RAD17: variants seen among roughly 807,000 people sequenced by gnomAD.
The protein encoded by RAD17 is RAD17 checkpoint clamp loader component.
RAD17 carries 31 observed loss-of-function variants against 81.5 expected under a neutral mutation model. The ratio of observed to expected loss-of-function variants is 0.38; its 90% CI spans 0.29 to 0.51. RAD17 has a LOEUF of 0.51. Ranked by LOEUF, RAD17 falls within the 20% of genes least tolerant of loss-of-function variation. The pLI, the probability that RAD17 is intolerant of heterozygous loss-of-function variation, is 0.88. For missense variants in RAD17, 681 were observed against 781.2 expected (o/e 0.87, Z 1.53); for synonymous variants, 261 against 266.2 (o/e 0.98, Z 0.19).
intron 17 of RAD17, among the ~76,000 whole-genome samples, chr5:69,407,632 G>A (rs1016219828): frequency 2.3e-5 from 3 of 132,370 alleles, no homozygotes; most frequent in South Asian, 2.4e-4. Flanking sequence ...GCTGGAGTGC[G>A]GTAGCACCAT....
In RAD17 at chr5:69,379,040, G is replaced by A. The variant is rs539847654; in HGVS notation, c.352-2861G>A. Reference sequence around the variant, plus strand: ...GTGGATTACCTGATGTCAGGAATTCGAGACCAGCCTGGCCAACATGGTGAA... The same window carrying A: ...GTGGATTACCTGATGTCAGGAATTCAAGACCAGCCTGGCCAACATGGTGAA... On this transcript the variant is annotated intron_variant, in intron 6 of 18. Coordinates refer to ENST00000354868, the MANE Select transcript of RAD17 (RefSeq NM_133338.3). Among the ~76,000 whole-genome samples the A allele has an allele frequency of 3.9e-5, 6 of 152,220 alleles. No homozygotes were observed. The East Asian group carries it at 7.7e-4, about 20-fold the overall frequency.
rs1209815014 is a variant in RAD17 at position 69,386,249 on chromosome 5, T to C, written c.768T>C (p.Asn256=). 1 of 1,607,350 alleles carries C rather than the reference T, an allele frequency of 6.2e-7. No homozygotes were observed. Among genetic ancestry groups the C allele is most frequent in the South Asian group, 1.1e-5 (1 of 89,690 alleles). Residue 256 remains asparagine (N), a synonymous_variant, in exon 10 of 19, where the codon AAT becomes AAC. Transcript: ENST00000354868. ...CGGACAGTCTCAGTGGAGATAATAA[T>C]CAAAGGTTATTGTTTCCCAAAGAAA... The part of the protein sequence containing the change: ...IISDSLSGDN[N]QRLLFPKEIQ...
At chr5:69,413,791 T>TC (rs778563529) in intron 18 of RAD17, among the ~76,000 whole-genome samples, 6 of 152,256 alleles carry the variant, frequency 3.9e-5, no homozygotes, top group Non-Finnish European at 5.9e-5. Context: ...TGCCTTGGCC[T>TC]CCCACAGTGC....
intron 6 of RAD17, among the ~76,000 whole-genome samples, chr5:69,377,454 T>TAC (rs1561238692): frequency 2.3e-4 from 2 of 8,576 alleles, no homozygotes; most frequent in Non-Finnish European, 1.3e-3. Flanking sequence ...TATATATATA[T>TAC]ATATATATAT....
At chr5:69,406,466 G>T (rs2150878407) in intron 17 of RAD17, among the ~76,000 whole-genome samples, 1 of 152,168 alleles carries the variant, frequency 6.6e-6, no homozygotes, top group East Asian at 1.9e-4. Flanking sequence ...TTACAACATG[G>T]TGACTATAAT....
rs1416223709 is a variant in RAD17 at position 69,410,467 on chromosome 5, T to C, written c.1694-26T>C. On this transcript the variant is annotated intron_variant, in intron 17 of 18. Transcript: ENST00000354868. ...TGTATATTTTCTTTGGAAAATTGTT[T>C]ACAACTTTTAAAAAATCTGTTTCAG... The C allele has an allele frequency of 2.6e-5, 41 of 1,594,610 alleles. 1 individual carries two copies. Among genetic ancestry groups the C allele is most frequent in the South Asian group, 6.7e-5 (6 of 89,740 alleles).
intron 3 of RAD17, 146 bp downstream of exon 3, chr5:69,371,703 G>A (rs886307976): frequency 2.6e-5 from 12 of 458,690 alleles, no homozygotes; most frequent in Non-Finnish European, 7.1e-6. Flanking sequence ...CTGGTAATAA[G>A]TTGTGAAACA....
intron 14 of RAD17, 21 bp downstream of exon 14, chr5:69,393,261 TAGTATA>T (rs1276614743): frequency 6.3e-7 from 1 of 1,577,454 alleles, no homozygotes; most frequent in Non-Finnish European, 8.7e-7. Context: ...TGATGACACT[TAGTATA>T]GGTTACAAAG....
At chr5:69,409,159 A>G (rs1765813254) in intron 17 of RAD17, among the ~76,000 whole-genome samples, 1 of 151,982 alleles carries the variant, frequency 6.6e-6, no homozygotes, top group Admixed American at 6.6e-5. Context: ...TAAGCCACTT[A>G]TTCTGGGTGG....
intron 2 of RAD17, 121 bp from the exon 3 acceptor site, chr5:69,371,333 C>T (rs1475082319): frequency 6.4e-6 from 3 of 468,108 alleles, no homozygotes; most frequent in South Asian, 3.8e-5. Flanking sequence ...ATTTACTGTT[C>T]TTTTTCACTA....
intron 17 of RAD17, among the ~76,000 whole-genome samples, chr5:69,403,528 T>C (rs1222022597): frequency 3.3e-5 from 5 of 152,244 alleles, no homozygotes; most frequent in Non-Finnish European, 1.5e-5. Flanking sequence ...TAAGTATCAG[T>C]ACTTACAAAA....
chr5:69,397,745 G>C (rs563340646), intron 16 of RAD17, among the ~76,000 whole-genome samples: 1 of 152,130 alleles, frequency 6.6e-6, no homozygotes, highest in African/African-American at 2.4e-5. Flanking sequence ...ACGGAGCCTC[G>C]CTGGCCAGGA....
At chr5:69,369,361 T>C (rs923707089), upstream of RAD17, 6 of 1,345,632 alleles carry the variant, frequency 4.5e-6, no homozygotes, top group Non-Finnish European at 6.0e-6. Flanking sequence ...GGCCGGCCTC[T>C]GAAGAGGGCA....
intron 12 of RAD17, among the ~76,000 whole-genome samples, chr5:69,390,457 T>C (rs989769797): frequency 2.2e-4 from 33 of 148,710 alleles, no homozygotes; most frequent in Admixed American, 1.8e-3. Context: ...AGCAAGACCT[T>C]GTCTCTACAA....
In RAD17 at chr5:69,374,154, C is replaced by T. The variant is rs1763194705; in HGVS notation, c.267+67C>T. 4 of 1,311,096 alleles carry T rather than the reference C, an allele frequency of 3.1e-6. No individual in the cohort carries two copies. The Middle Eastern group carries it at 5.7e-4, about 187-fold the overall frequency. The allele number at this position is 1,311,096 out of a possible 1,614,324, so 81.2% of individuals were successfully genotyped here. ...AGGGTGCATAAGGGTAGATGGGAAG[C>T]AGAGGGATTTACATTTTCAGATTTT... On this transcript the variant is annotated intron_variant, in intron 5 of 18. Coordinates refer to ENST00000354868, the MANE Select transcript of RAD17 (RefSeq NM_133338.3).
At chr5:69,400,895 C>A (rs903656110) in intron 17 of RAD17, among the ~76,000 whole-genome samples, 4 of 150,134 alleles carry the variant, frequency 2.7e-5, no homozygotes, top group African/African-American at 7.4e-5. Flanking sequence ...GATCGCACAC[C>A]TGCACTCCAG....
intron 6 of RAD17, among the ~76,000 whole-genome samples, chr5:69,379,805 C>G (rs940639928): frequency 2.0e-5 from 3 of 152,130 alleles, no homozygotes; most frequent in Non-Finnish European, 4.4e-5. Flanking sequence ...ACGTAAGGAG[C>G]TGTCATCTCT....
chr5:69,400,012 T>G (rs1231717261), intron 16 of RAD17, 37 bp from the exon 17 acceptor site: 1 of 1,416,222 alleles, frequency 7.1e-7, no homozygotes, highest in Non-Finnish European at 9.6e-7. Flanking sequence ...TTTAATTTCA[T>G]TTTTCCTTTC....
At chr5:69,410,677 A>G (rs1348215719) in intron 18 of RAD17, 127 bp downstream of exon 18, 4 of 861,960 alleles carry the variant, frequency 4.6e-6, no homozygotes, top group Admixed American at 2.3e-5. Flanking sequence ...ATTTATAAAC[A>G]TAATTGTATT....
Sources: allele counts gnomAD v4.1 joint callset (sites outside exome capture counted in the v4.1 genomes callset), GRCh38; gene constraint gnomAD v4.1.1; transcripts MANE v1.5; gene names NCBI Gene and HGNC (gene_info 2026-07-23, HGNC 2026-07-21).